ANKRD30A: variants seen among roughly 807,000 people sequenced by gnomAD.
The protein encoded by ANKRD30A is ankyrin repeat domain 30A.
Under a neutral mutation model 166.3 loss-of-function variants are expected in ANKRD30A, and 170 were observed. The observed-to-expected ratio is 1.02, with a 90% CI of 0.90 to 1.16. The LOEUF (loss-of-function observed/expected upper bound fraction) is 1.16. Ranked by LOEUF, ANKRD30A falls within the 50% of genes most tolerant of loss-of-function variation. The probability of loss-of-function intolerance (pLI) is 0.00; values close to 1 mark genes in which losing one functional copy is unlikely to be tolerated. For missense variants in ANKRD30A, 1,630 were observed against 1,518.0 expected (o/e 1.07, Z -1.23); for synonymous variants, 564 against 508.9 (o/e 1.11, Z -1.46).
intron 4 of ANKRD30A, among the ~76,000 whole-genome samples, 195 bp from the exon 5 acceptor site, chr10:37,133,721 G>C (rs895691594): frequency 6.6e-6 from 1 of 152,150 alleles, no homozygotes; most frequent in Non-Finnish European, 1.5e-5. Flanking sequence ...GCCAATTCTA[G>C]TGTGCCATAT....
chr10:37,190,956 A>G (rs1782076), intron 25 of ANKRD30A, among the ~76,000 whole-genome samples: 52,046 of 151,528 alleles, frequency 0.34, 9,770 homozygotes, highest in Admixed American at 0.41. Flanking sequence ...ATTTTATGAA[A>G]CCTCATTAGC....
Position 37,129,930 on chromosome 10 carries a change from G to A in ANKRD30A, c.259G>A (p.Glu87Lys). Residue 87 changes from glutamate (E) to lysine (K), a missense_variant, in exon 2 of 36, where the codon GAA (glutamate) becomes AAA (lysine). This residue lies in a region of ANKRD30A where 904 missense variants were observed against 818.5 expected (regional missense o/e 1.10). Transcript: ENST00000361713. Reference protein sequence around the residue: ...LHWACVNGHEEVVTFLVDRKC... With the variant: ...LHWACVNGHEKVVTFLVDRKC... ...CTGGGCCTGTGTCAATGGCCATGAG[G>A]AAGTAGTAACATTTCTGGTAGACAG... The A allele has an allele frequency of 6.4e-7, 1 of 1,574,408 alleles. No homozygotes were observed. Among genetic ancestry groups the A allele is most frequent in the South Asian group, 1.2e-5 (1 of 85,166 alleles).
At chr10:37,205,680 G>A (rs1841946469) in intron 31 of ANKRD30A, among the ~76,000 whole-genome samples, 1 of 152,188 alleles carries the variant, frequency 6.6e-6, no homozygotes, top group South Asian at 2.1e-4. Flanking sequence ...GTGAAGCTGT[G>A]TTTTATCTAT....
chr10:37,154,962 A>T (rs1838251237), intron 13 of ANKRD30A, among the ~76,000 whole-genome samples: 1 of 152,216 alleles, frequency 6.6e-6, no homozygotes, highest in Non-Finnish European at 1.5e-5. Flanking sequence ...TCACAATTTG[A>T]ATAAGATATA....
chr10:37,194,222 C>A (rs1393231897), intron 27 of ANKRD30A, among the ~76,000 whole-genome samples: 2 of 152,074 alleles, frequency 1.3e-5, no homozygotes, highest in South Asian at 2.1e-4. Flanking sequence ...CAAAAGCTCA[C>A]AACATATGTG....
the ANKRD30A span, among the ~76,000 whole-genome samples, chr10:37,249,986 G>A: frequency 6.6e-6 from 1 of 152,138 alleles, no homozygotes; most frequent in Non-Finnish European, 1.5e-5. Context: ...AATGGGATGT[G>A]TTTGGAGAGG....
In ANKRD30A at chr10:37,196,941, A is replaced by T. The variant is rs560075721; in HGVS notation, c.2615-340A>T. ...TATGTTAAAGAACAGGATGAATGGA[A>T]TAATATAAGTGATTCTAATGTGTTT... On this transcript the variant is annotated intron_variant, in intron 27 of 35. Transcript: ENST00000361713. 1.6e-4 allele frequency among the ~76,000 whole-genome samples: 24 copies of T among 152,310 alleles called. 1 individual carries two copies. Among genetic ancestry groups the T allele is most frequent in the Middle Eastern group, 6.8e-3 (2 of 294 alleles).
chr10:37,244,280 A>G, the ANKRD30A span, among the ~76,000 whole-genome samples: 2 of 152,316 alleles, frequency 1.3e-5, no homozygotes, highest in South Asian at 4.1e-4. Flanking sequence ...CGTCATGTAC[A>G]TCATGACATT....
rs752803479 is a variant in ANKRD30A, at chr10:37,130,306, T to C, written c.438T>C (p.Ala146=). The change falls in exon 3 of 36, where the codon GCT becomes GCC. Residue 146 remains alanine, a synonymous_variant. Coordinates refer to ENST00000361713, the MANE Select transcript of ANKRD30A (RefSeq NM_052997.3). The stretch of plus-strand genomic sequence containing the variant: ...ATGGCAACACGGCTCTCCATTATGC[T>C]GTTTATAGTGAGATTTTGTCAGTGG... The part of the protein sequence containing the change: ...DVYGNTALHY[A]VYSEILSVVA... 2.5e-6 allele frequency: 4 copies of C among 1,601,282 alleles called. No individual in the cohort carries two copies. Among genetic ancestry groups the C allele is most frequent in the Non-Finnish European group, 3.4e-6 (4 of 1,174,282 alleles).
intron 6 of ANKRD30A, 142 bp downstream of exon 6, chr10:37,136,813 A>ATG (rs1554807834): frequency 0.019 from 5,153 of 270,970 alleles, 95 homozygotes; most frequent in East Asian, 0.054. Flanking sequence ...GGGTGTGTGT[A>ATG]TGTGTGTGTG....
At position 37,125,933 on chromosome 10, in the gene ANKRD30A, G is replaced by T; in HGVS notation, c.146G>T (p.Gly49Val). 1 of 1,611,944 alleles carries T rather than the reference G, an allele frequency of 6.2e-7. No homozygotes were observed. The highest frequency in any genetic ancestry group is 8.5e-7 in the Non-Finnish European group (1 of 1,179,832). ...LRKIHKAASR[G>V]QVRKLEKMTK... The stretch of plus-strand genomic sequence containing the variant: ...AAGATCCATAAAGCTGCCTCCCGGG[G>T]ACAAGTCCGGAAGCTGGAGAAGATG... Residue 49 changes from glycine to valine, a missense_variant, in exon 1 of 36, where the codon GGA (glycine) becomes GTA (valine). Around this residue, in one of 4 missense-constraint regions of ANKRD30A, gnomAD observed 904 missense variants for 818.5 expected, o/e 1.10. Transcript: ENST00000361713.
rs899827224 is a variant in ANKRD30A, at chr10:37,206,385, C to T, written c.2869+5060C>T. Among the ~76,000 whole-genome samples, 8 of 152,278 alleles carry T rather than the reference C, an allele frequency of 5.3e-5. No individual in the cohort carries two copies. In the South Asian group the frequency reaches 6.2e-4, roughly 12 times the overall value. ...TCCCACAGTGACTCATTACTCTTCT[C>T]TGTTACTTTCAGGATTCATAGAGAT... On this transcript the variant is annotated intron_variant, in intron 31 of 35. Coordinates refer to ENST00000361713, the MANE Select transcript of ANKRD30A (RefSeq NM_052997.3).
At position 37,218,882 on chromosome 10, in the gene ANKRD30A, T is replaced by A. The variant is rs1447571686; in HGVS notation, c.3268-98T>A. 6.1e-6 allele frequency: 5 copies of A among 823,108 alleles called. No homozygotes were observed. The Admixed American group carries it at 1.5e-4, about 25-fold the overall frequency. The allele number at this position is 823,108 out of a possible 1,614,324, so 51.0% of individuals were successfully genotyped here. On this transcript the variant is annotated intron_variant, in intron 33 of 35. Coordinates refer to ENST00000361713, the MANE Select transcript of ANKRD30A (RefSeq NM_052997.3). ...ACTGATACCTACTTATAAAAACCCT[T>A]TCATTGTATAAATGTACAAGTTATT...
intron 32 of ANKRD30A, among the ~76,000 whole-genome samples, chr10:37,216,905 G>T (rs1218731772): frequency 6.6e-6 from 1 of 150,782 alleles, no homozygotes; most frequent in South Asian, 2.1e-4. Context: ...CCCAAGACTC[G>T]ATTTCTTTCA....
chr10:37,166,886 G>C (rs960367175), intron 19 of ANKRD30A, among the ~76,000 whole-genome samples, 191 bp downstream of exon 19: 3 of 152,062 alleles, frequency 2.0e-5, no homozygotes, highest in African/African-American at 4.8e-5. Flanking sequence ...GTGCTGAAGC[G>C]GAGCTGAATT....
At chr10:37,160,944 A>T (rs1315393140) in intron 15 of ANKRD30A, among the ~76,000 whole-genome samples, 1 of 152,156 alleles carries the variant, frequency 6.6e-6, no homozygotes, top group Non-Finnish European at 1.5e-5. Context: ...AACAAAAGAT[A>T]GTTACACATA....
At chr10:37,193,401 T>G in intron 27 of ANKRD30A, 143 bp downstream of exon 27, 2 of 1,244,108 alleles carry the variant, frequency 1.6e-6, no homozygotes, top group Non-Finnish European at 2.2e-6. Flanking sequence ...TGTGAGTATT[T>G]CTGTTTGAGA....
intron 6 of ANKRD30A, among the ~76,000 whole-genome samples, chr10:37,139,676 A>C (rs1256726454): frequency 2.0e-5 from 3 of 152,234 alleles, no homozygotes; most frequent in Non-Finnish European, 2.9e-5. Flanking sequence ...GTTTCTCACC[A>C]GCCTGACTGA....
Position 37,166,161 on chromosome 10 carries a change from G to C in ANKRD30A, c.2065-444G>C, listed in dbSNP as rs1049802585. ...TAAAAGTTCTCATCATGACATGCATGATTTTTAACACTAAACAGTTCTATG... is the reference window on the plus strand; with the variant it reads ...TAAAAGTTCTCATCATGACATGCATCATTTTTAACACTAAACAGTTCTATG... On this transcript the variant is annotated intron_variant, in intron 18 of 35. Transcript: ENST00000361713. Among the ~76,000 whole-genome samples, 3 of 152,102 alleles carry C rather than the reference G, an allele frequency of 2.0e-5. No individual in the cohort carries two copies. The South Asian group carries it at 6.2e-4, about 32-fold the overall frequency.
Sources: gnomAD v4.1 joint callset for allele counts (sites outside exome capture counted in the v4.1 genomes callset) on GRCh38, gnomAD v4.1.1 for gene constraint, gnomAD v4.1.1 regional missense constraint, MANE v1.5 for transcripts, NCBI Gene and HGNC (gene_info 2026-07-23, HGNC 2026-07-21) for gene names.